Variants in SPECC1 observed in about 807,000 individuals in gnomAD.
SPECC1 encodes the protein cytospin-B.
SPECC1 carries 62 observed loss-of-function variants against 104.1 expected under a neutral mutation model. The observed-to-expected ratio is 0.60, with a 90% CI of 0.49 to 0.74. The LOEUF (loss-of-function observed/expected upper bound fraction) is 0.74, where lower values mean the gene tolerates loss of function less well. Ranked by LOEUF, SPECC1 falls within the 30% of genes least tolerant of loss-of-function variation. The pLI, the probability that SPECC1 is intolerant of heterozygous loss-of-function variation, is 0.00. For synonymous variants in SPECC1, 513 were observed against 501.6 expected, an observed-to-expected ratio of 1.02 and a Z score of -0.30; for missense variants, 1,306 against 1,310.5, an observed-to-expected ratio of 1.00 and a Z score of 0.05.
At chr17:20,084,003 A>G (rs2047080689) in intron 1 of SPECC1, among the ~76,000 whole-genome samples, 1 of 152,112 alleles carries the variant, frequency 6.6e-6, no homozygotes, top group East Asian at 1.9e-4. Context: ...GCATTTTTTC[A>G]TGTGCTTATT....
At chr17:20,136,540 G>A (rs36119009) in intron 3 of SPECC1, among the ~76,000 whole-genome samples, 9,197 of 151,742 alleles carry the variant, frequency 0.061, 344 homozygotes, top group Middle Eastern at 0.096. Context: ...TATTCAAAAT[G>A]TAAAGGGTTA....
intron 13 of SPECC1, among the ~76,000 whole-genome samples, chr17:20,298,921 A>AAGAGAGAGAGTGAGAG (rs1555535543): frequency 1.4e-5 from 1 of 72,754 alleles, no homozygotes; most frequent in Non-Finnish European, 2.4e-5. Flanking sequence ...GCAGAACCAA[A>AAGAGAGAGAGTGAGAG]AGAGAGAGAG....
At chr17:20,110,897 G>A (rs2048459273) in intron 3 of SPECC1, among the ~76,000 whole-genome samples, 1 of 151,992 alleles carries the variant, frequency 6.6e-6, no homozygotes, top group African/African-American at 2.4e-5. Context: ...GAATGCATTA[G>A]AGGAATGAAT....
intron 3 of SPECC1, among the ~76,000 whole-genome samples, chr17:20,126,820 T>C (rs1025631439): frequency 6.6e-6 from 1 of 152,258 alleles, no homozygotes; most frequent in Non-Finnish European, 1.5e-5. Flanking sequence ...TTGTTTTACA[T>C]GTTAAGTCTT....
chr17:20,188,443 A>T (rs992734317), intron 3 of SPECC1, among the ~76,000 whole-genome samples: 2 of 151,948 alleles, frequency 1.3e-5, no homozygotes, highest in Non-Finnish European at 2.9e-5. Flanking sequence ...TTTTTAGTAG[A>T]GACGGGGTTT....
intron 2 of SPECC1, among the ~76,000 whole-genome samples, chr17:20,106,109 T>A (rs753865898): frequency 6.6e-6 from 1 of 152,208 alleles, no homozygotes; most frequent in African/African-American, 2.4e-5. Context: ...GTTATTGCGT[T>A]AAGAATTCCC....
At chr17:20,154,749 GA>G (rs997670944) in intron 3 of SPECC1, among the ~76,000 whole-genome samples, 2 of 152,198 alleles carry the variant, frequency 1.3e-5, no homozygotes, top group African/African-American at 4.8e-5. Flanking sequence ...GACTGGTTAG[GA>G]GGCAGTTGCA....
intron 1 of SPECC1, among the ~76,000 whole-genome samples, chr17:20,062,431 C>T (rs898182726): frequency 6.1e-4 from 93 of 152,166 alleles, no homozygotes; most frequent in Middle Eastern, 3.4e-3. Context: ...GGTGTGATCA[C>T]GGCTCACCAC....
chr17:20,204,356 A>G lies in SPECC1; in HGVS notation c.307A>G (p.Thr103Ala). Residue 103 changes from threonine to alanine, a missense_variant, in exon 4 of 15, where the codon ACA becomes GCA. Thr to Ala is a moderately conservative substitution (Grantham distance 58). Around this residue, in one of 2 missense-constraint regions of SPECC1, gnomAD observed 1,177 missense variants for 1,139.9 expected, o/e 1.03. Coordinates refer to ENST00000395527, the MANE Select transcript of SPECC1 (RefSeq NM_001243439.2). ...AGGGGCCTTTACAACAACTAAACGG[A>G]CAGGCATTCCAGCCCCACGGGAATT... ...GTGAFTTTKR[T>A]GIPAPREFSV... is the part of the protein sequence containing the mutation. The G allele has an allele frequency of 2.5e-6, 4 of 1,612,488 alleles. No individual in the cohort carries two copies. Among genetic ancestry groups the G allele is most frequent in the Non-Finnish European group, 8.5e-7 (1 of 1,179,554 alleles).
chr17:20,060,732 A>G (rs1391975563), intron 1 of SPECC1, among the ~76,000 whole-genome samples: 3 of 152,182 alleles, frequency 2.0e-5, no homozygotes, highest in Non-Finnish European at 4.4e-5. Flanking sequence ...TCAGAGTTGT[A>G]TTTATGCCAC....
At chr17:20,119,710 GT>G (rs1597751189) in intron 3 of SPECC1, among the ~76,000 whole-genome samples, 1 of 152,182 alleles carries the variant, frequency 6.6e-6, no homozygotes, top group Non-Finnish European at 1.5e-5. Flanking sequence ...TGTTGCAGGT[GT>G]TATCACCTCT....
intron 8 of SPECC1, 100 bp from the exon 9 acceptor site, chr17:20,247,119 C>T: frequency 3.6e-6 from 3 of 823,358 alleles, no homozygotes; most frequent in Non-Finnish European, 3.9e-6. Context: ...AACACGGATA[C>T]TCCTTAAGCC....
At chr17:20,159,906 T>G (rs1419419414) in intron 3 of SPECC1, among the ~76,000 whole-genome samples, 1 of 152,122 alleles carries the variant, frequency 6.6e-6, no homozygotes, top group Non-Finnish European at 1.5e-5. Flanking sequence ...CTTAGAGAGT[T>G]GAGTGGGCCT....
intron 3 of SPECC1, among the ~76,000 whole-genome samples, chr17:20,117,207 G>T (rs2048804727): frequency 6.6e-6 from 1 of 151,894 alleles, no homozygotes; most frequent in African/African-American, 2.4e-5. Flanking sequence ...GAATAAAGCT[G>T]GATCCCTATC....
chr17:20,026,745 T>C (rs1281224038), intron 1 of SPECC1, among the ~76,000 whole-genome samples: 1 of 152,222 alleles, frequency 6.6e-6, no homozygotes. Context: ...GCAATTAACA[T>C]GAGAGTGCAT....
chr17:20,157,365 G>T (rs757716526), intron 3 of SPECC1, among the ~76,000 whole-genome samples: 12 of 151,974 alleles, frequency 7.9e-5, no homozygotes, highest in Admixed American at 2.0e-4. Context: ...AATTTCAGGG[G>T]CCAGCTTACT....
At chr17:20,152,735 G>A (rs950710836) in intron 3 of SPECC1, among the ~76,000 whole-genome samples, 2 of 152,080 alleles carry the variant, frequency 1.3e-5, no homozygotes, top group African/African-American at 4.8e-5. Flanking sequence ...ACAATGGTGC[G>A]ATCTCGGCTC....
At chr17:20,259,390 A>G (rs184625188) in intron 11 of SPECC1, among the ~76,000 whole-genome samples, 1 of 152,364 alleles carries the variant, frequency 6.6e-6, no homozygotes, top group African/African-American at 2.4e-5. Flanking sequence ...ACCTTTTTTA[A>G]TGAAAAGTTA....
intron 13 of SPECC1, among the ~76,000 whole-genome samples, chr17:20,302,899 AAAAAG>A (rs1204989770): frequency 5.3e-5 from 8 of 150,278 alleles, no homozygotes; most frequent in African/African-American, 1.9e-4. Flanking sequence ...AAAAAAAAAA[AAAAAG>A]AGGAAAGAAA....
Sources: gnomAD v4.1 joint callset for allele counts (sites outside exome capture counted in the v4.1 genomes callset) on GRCh38, gnomAD v4.1.1 for gene constraint, gnomAD v4.1.1 regional missense constraint, MANE v1.5 for transcripts, NCBI Gene and HGNC (gene_info 2026-07-23, HGNC 2026-07-21) for gene names.